The following SFSWAP variants were observed in gnomAD, a reference collection of about 807,000 sequenced individuals.
SFSWAP encodes splicing factor SWAP.
Under a neutral mutation model 100.7 loss-of-function variants are expected in SFSWAP, and 17 were observed. That is an observed-to-expected ratio of 0.17 (90% confidence interval 0.12 to 0.25). The LOEUF is 0.25. Among genes scored for constraint, SFSWAP ranks in the 10% least tolerant of loss-of-function variants. The probability of loss-of-function intolerance (pLI) is 1.00; values close to 1 mark genes in which losing one functional copy is unlikely to be tolerated. For synonymous variants in SFSWAP, 504 were observed against 510.1 expected (o/e 0.99, Z 0.16); for missense variants, 1,005 against 1,262.6 (o/e 0.80, Z 3.09).
chr12:131,799,202 C>T, intron 17 of SFSWAP, 93 bp downstream of exon 17: 1 of 1,145,470 alleles, frequency 8.7e-7, no homozygotes, highest in East Asian at 2.4e-5. Context: ...TCCCTCCTGT[C>T]CCTGTCATGG....
At position 131,744,912 on chromosome 12, in the gene SFSWAP, T is replaced by G. The variant is rs186203168; in HGVS notation, c.1082-8211T>G. On this transcript the variant is annotated intron_variant, in intron 7 of 17. Coordinates refer to ENST00000261674, the MANE Select transcript of SFSWAP (RefSeq NM_004592.4). ...AGAGGCTGTACAGAGAAGCTCCTGT[T>G]TTTGAAACTATCAGATCTTGTGGGA... 8.4e-4 allele frequency among the ~76,000 whole-genome samples: 128 copies of G among 152,284 alleles called. 1 individual carries two copies. Among genetic ancestry groups the G allele is most frequent in the Admixed American group, 3.9e-3 (59 of 15,306 alleles).
chr12:131,770,993 C>G (rs1461570085), intron 13 of SFSWAP, among the ~76,000 whole-genome samples: 2 of 152,192 alleles, frequency 1.3e-5, no homozygotes, highest in Admixed American at 6.5e-5. Context: ...CTGGGTCCAG[C>G]CATGCAGCAG....
intron 5 of SFSWAP, among the ~76,000 whole-genome samples, chr12:131,726,449 A>T (rs1025320557): frequency 7.2e-5 from 11 of 152,194 alleles, no homozygotes; most frequent in East Asian, 1.9e-4. Context: ...ACCTCAGGTG[A>T]TCCACCCGCC....
intron 15 of SFSWAP, among the ~76,000 whole-genome samples, chr12:131,789,005 G>A (rs1885077777): frequency 6.6e-6 from 1 of 151,276 alleles, no homozygotes; most frequent in African/African-American, 2.4e-5. Flanking sequence ...TTTGAGATAG[G>A]GTCTCACTCC....
rs772949938 is a variant in SFSWAP at position 131,797,365 on chromosome 12, C to G, written c.2717+5C>G. On this transcript the variant is annotated splice_donor_5th_base_variant and intron_variant, in intron 16 of 17. Transcript: ENST00000261674. ...CTCCAGCCAGGAGCGCTCCAGGTAACCCCTGTCCTCCAGCAGCTCTCTCTG... is the reference window on the plus strand; with the variant it reads ...CTCCAGCCAGGAGCGCTCCAGGTAAGCCCTGTCCTCCAGCAGCTCTCTCTG... The G allele has an allele frequency of 6.3e-7, 1 of 1,599,668 alleles. No individual in the cohort carries two copies. Among genetic ancestry groups the G allele is most frequent in the South Asian group, 1.1e-5 (1 of 90,178 alleles).
chr12:131,739,854 A>G (rs965186431), intron 7 of SFSWAP, among the ~76,000 whole-genome samples: 7 of 152,038 alleles, frequency 4.6e-5, no homozygotes, highest in Non-Finnish European at 8.8e-5. Context: ...CCAGTTGCTT[A>G]CTTTTAGTTT....
chr12:131,729,001 C>A (rs1295176765), intron 7 of SFSWAP, among the ~76,000 whole-genome samples: 1 of 152,080 alleles, frequency 6.6e-6, no homozygotes. Flanking sequence ...GGCCCTGGCT[C>A]TGCCCTTCTT....
intron 14 of SFSWAP, chr12:131,784,668 A>G (rs1306907715): frequency 6.5e-6 from 1 of 154,890 alleles, no homozygotes; most frequent in East Asian, 1.9e-4. Flanking sequence ...TTCTTGCACC[A>G]TGTTGTGGGG....
rs1388671852 is a variant in SFSWAP, at chr12:131,730,295, T to C, written c.1081+1867T>C. On this transcript the variant is annotated intron_variant, in intron 7 of 17. Coordinates refer to ENST00000261674, the MANE Select transcript of SFSWAP (RefSeq NM_004592.4). This position sits in a 1 kb window ranked among gnomAD's most constrained non-coding sequence, Gnocchi z 4.0. ...ACTGAGGGACCATCCCTCTGCTTCCTCCTTTCCTTTTCCAAGCCTGTCGTT... is the reference window on the plus strand; with the variant it reads ...ACTGAGGGACCATCCCTCTGCTTCCCCCTTTCCTTTTCCAAGCCTGTCGTT... Among the ~76,000 whole-genome samples, 1 of 152,216 alleles carries C rather than the reference T, an allele frequency of 6.6e-6. No individual in the cohort carries two copies. The highest frequency in any genetic ancestry group is 1.5e-5 in the Non-Finnish European group (1 of 68,042).
chr12:131,758,741 A>G (rs1431278739), intron 11 of SFSWAP, among the ~76,000 whole-genome samples: 4 of 152,204 alleles, frequency 2.6e-5, no homozygotes, highest in Non-Finnish European at 5.9e-5. Flanking sequence ...GAGTCCAGGA[A>G]TTCGAGACCA....
intron 9 of SFSWAP, among the ~76,000 whole-genome samples, 197 bp from the exon 10 acceptor site, chr12:131,755,189 A>C (rs1481421094): frequency 6.6e-6 from 1 of 152,190 alleles, no homozygotes; most frequent in Non-Finnish European, 1.5e-5. Context: ...TCACATTTGC[A>C]GCGTGACCTG....
intron 3 of SFSWAP, among the ~76,000 whole-genome samples, chr12:131,718,198 T>G (rs1340384721): frequency 1.3e-5 from 2 of 152,260 alleles, no homozygotes; most frequent in Admixed American, 1.3e-4. Flanking sequence ...GGAAACCTGC[T>G]TAAAATTCTT....
chr12:131,753,401 A>G (rs982815107), intron 8 of SFSWAP, 38 bp downstream of exon 8: 1 of 1,586,026 alleles, frequency 6.3e-7, no homozygotes, highest in Non-Finnish European at 8.6e-7. Context: ...TGTGTGAGTC[A>G]CTCAGCACTG....
In SFSWAP at chr12:131,756,478, G is replaced by A. The variant is rs1882170656; in HGVS notation, c.1554G>A (p.Val518=). 1 of 1,613,700 alleles carries A rather than the reference G, an allele frequency of 6.2e-7. No homozygotes were observed. Among genetic ancestry groups the A allele is most frequent in the Admixed American group, 1.7e-5 (1 of 59,972 alleles). Residue 518 remains valine (V), a synonymous_variant, in exon 11 of 18, where the codon GTG becomes GTA. Transcript: ENST00000261674. ...QKEGGDSMQA[V]SAPEEAPTDS... is the part of the protein sequence containing the mutation. ...TAGTGACATTTAATCTCTAGGCTGT[G>A]TCTGCACCAGAAGAGGCTCCCACAG...
chr12:131,797,316 C>A lies in SFSWAP; in HGVS notation c.2673C>A (p.Ser891Arg), dbSNP rs758662008. ...APAAHSAHSA[S>R]VSPVESRGSS... ...CGGCCCACTCGGCGCACTCAGCCAG[C>A]GTCTCCCCTGTGGAGAGTCGGGGCT... The change falls in exon 16 of 18, where the codon AGC becomes AGA. Residue 891 changes from serine to arginine, a missense_variant. Ser to Arg is a moderately radical substitution (Grantham distance 110). Transcript: ENST00000261674. 9 of 1,611,238 alleles carry A rather than the reference C, an allele frequency of 5.6e-6. No individual in the cohort carries two copies. The South Asian group carries it at 9.9e-5, about 18-fold the overall frequency.
At position 131,725,962 on chromosome 12, in the gene SFSWAP, C is replaced by T. The variant is rs1169048086; in HGVS notation, c.832+332C>T. Among the ~76,000 whole-genome samples the T allele has an allele frequency of 6.6e-6, 1 of 152,036 alleles. No individual in the cohort carries two copies. Among genetic ancestry groups the T allele is most frequent in the Non-Finnish European group, 1.5e-5 (1 of 68,014 alleles). On this transcript the variant is annotated intron_variant, in intron 5 of 17. Transcript: ENST00000261674. This position sits in a 1 kb window ranked among gnomAD's most constrained non-coding sequence, Gnocchi z 4.3. ...TTCATAGAGAAAACAGTTATATATC[C>T]TCTCTTGGATTATTCAAGTACCACA... is the stretch of plus-strand genomic sequence containing the variant.
chr12:131,740,970 T>TC (rs1460235498), intron 7 of SFSWAP, among the ~76,000 whole-genome samples: 2 of 124,010 alleles, frequency 1.6e-5, no homozygotes, highest in African/African-American at 2.9e-5. Flanking sequence ...TTTTTTCTTT[T>TC]TTTTTTTTTT....
chr12:131,746,977 G>A (rs1022506684), intron 7 of SFSWAP, among the ~76,000 whole-genome samples: 9 of 152,168 alleles, frequency 5.9e-5, no homozygotes, highest in East Asian at 1.9e-4. Flanking sequence ...GGTGGCGGGT[G>A]CCTGTAGTCC....
intron 15 of SFSWAP, among the ~76,000 whole-genome samples, chr12:131,795,070 T>G (rs988396595): frequency 2.0e-5 from 3 of 152,236 alleles, no homozygotes; most frequent in Non-Finnish European, 2.9e-5. Context: ...ACAAAACATT[T>G]TGCAGTTTAG....
Sources: allele counts gnomAD v4.1 joint callset (sites outside exome capture counted in the v4.1 genomes callset), GRCh38; gene constraint gnomAD v4.1.1; non-coding constraint Gnocchi (gnomAD v3.1); transcripts MANE v1.5; gene names NCBI Gene and HGNC (gene_info 2026-07-23, HGNC 2026-07-21).